The following BCL2L13 variants were observed in gnomAD, a reference collection of about 807,000 sequenced individuals.
BCL2L13 encodes the protein bcl-2-like protein 13.
A neutral mutation model predicts 25.8 loss-of-function variants in BCL2L13; 13 were observed. The ratio of observed to expected loss-of-function variants is 0.50; its 90% CI spans 0.33 to 0.80. The LOEUF is 0.80. BCL2L13 is among the 30% of genes least tolerant of loss of function. BCL2L13 has a pLI of 0.02. For missense variants in BCL2L13, 504 were observed against 574.9 expected, an observed-to-expected ratio of 0.88 and a Z score of 1.26; for synonymous variants, 244 against 230.3, an observed-to-expected ratio of 1.06 and a Z score of -0.54.
chr22:17,663,078 C>T (rs1451435073), intron 2 of BCL2L13, among the ~76,000 whole-genome samples: 1 of 152,122 alleles, frequency 6.6e-6, no homozygotes, highest in Non-Finnish European at 1.5e-5. Flanking sequence ...GCAGTGTTGC[C>T]CAGGCTGGTC....
At chr22:17,681,430 C>T (rs905731115) in intron 2 of BCL2L13, among the ~76,000 whole-genome samples, 1 of 150,336 alleles carries the variant, frequency 6.7e-6, no homozygotes, top group Admixed American at 6.7e-5. Flanking sequence ...ACCTGGGAGG[C>T]GGAGCTTACA....
intron 5 of BCL2L13, among the ~76,000 whole-genome samples, chr22:17,698,199 T>G (rs1258007744): frequency 6.6e-6 from 1 of 151,822 alleles, no homozygotes; most frequent in Non-Finnish European, 1.5e-5. Context: ...ACTGCAGCCT[T>G]TCCCTTCCGG....
At chr22:17,684,633 G>A (rs919405378) in intron 3 of BCL2L13, 8 of 453,264 alleles carry the variant, frequency 1.8e-5, no homozygotes, top group East Asian at 7.0e-5. Flanking sequence ...GCACCATCTC[G>A]GCCCACCACA....
At chr22:17,681,394 T>C (rs1286587803) in intron 2 of BCL2L13, among the ~76,000 whole-genome samples, 1 of 151,358 alleles carries the variant, frequency 6.6e-6, no homozygotes, top group Non-Finnish European at 1.5e-5. Context: ...TAGTCCCAGC[T>C]ACTTGGGAGC....
intron 2 of BCL2L13, among the ~76,000 whole-genome samples, chr22:17,669,990 T>G (rs1480361469): frequency 1.3e-5 from 2 of 152,148 alleles, no homozygotes; most frequent in African/African-American, 2.4e-5. Context: ...GGGGATCTCT[T>G]GTTGTTGTCT....
chr22:17,638,507 CA>C (rs2058151033), upstream of BCL2L13: 1 of 429,436 alleles, frequency 2.3e-6, no homozygotes, highest in South Asian at 1.3e-4. Context: ...GCCCTTCCTC[CA>C]ACACAGCGAC....
At chr22:17,650,111 C>T (rs951089017) in intron 1 of BCL2L13, among the ~76,000 whole-genome samples, 1 of 150,266 alleles carries the variant, frequency 6.7e-6, no homozygotes, top group Admixed American at 6.6e-5. Context: ...CTCAGGTGAT[C>T]TGCCCGTCTC....
chr22:17,690,839 G>A (rs1452983395), intron 4 of BCL2L13, among the ~76,000 whole-genome samples: 1 of 152,054 alleles, frequency 6.6e-6, no homozygotes, highest in East Asian at 1.9e-4. Flanking sequence ...ATATAAATAT[G>A]GAGAGAAGTA....
intron 1 of BCL2L13, among the ~76,000 whole-genome samples, chr22:17,630,225 CAAAA>C (rs79307050): frequency 2.4e-5 from 2 of 81,882 alleles, no homozygotes; most frequent in Middle Eastern, 6.7e-3. Context: ...CTCAAAAAAA[CAAAA>C]AAAAAAAAAA....
At chr22:17,723,144 C>T (rs1033482986) in intron 6 of BCL2L13, among the ~76,000 whole-genome samples, 8 of 152,154 alleles carry the variant, frequency 5.3e-5, no homozygotes, top group Admixed American at 3.9e-4. Context: ...ACCAAACCCT[C>T]CCTGTGTCTC....
intron 4 of BCL2L13, chr22:17,692,308 G>A (rs1035677900): frequency 7.2e-5 from 11 of 152,060 alleles, no homozygotes; most frequent in African/African-American, 2.7e-4. Context: ...TGCATTTTTT[G>A]TGCATGTATG....
At chr22:17,713,033 C>T (rs1205245759) in intron 6 of BCL2L13, among the ~76,000 whole-genome samples, 2 of 152,114 alleles carry the variant, frequency 1.3e-5, no homozygotes, top group South Asian at 2.1e-4. Context: ...AAGGTTAAAT[C>T]GATTACAGCA....
rs553524212 is a variant in BCL2L13, at chr22:17,655,971, G to A, written c.121+139G>A. The A allele has an allele frequency of 1.8e-5, 15 of 836,700 alleles. No individual in the cohort carries two copies. The South Asian group carries it at 1.8e-4, about 10-fold the overall frequency. 51.8% of individuals were successfully genotyped at this position (836,700 alleles called of 1,614,324 possible). Reference sequence around the variant, plus strand: ...AGAATAACCTGTTAGGGCTGGGCGCGGTGGCTCACACCTGTTATGCCAGCA... The same window carrying A: ...AGAATAACCTGTTAGGGCTGGGCGCAGTGGCTCACACCTGTTATGCCAGCA... On this transcript the variant is annotated intron_variant, in intron 2 of 6. Coordinates refer to ENST00000317582, the MANE Select transcript of BCL2L13 (RefSeq NM_015367.4).
At chr22:17,630,591 CTTTTT>C (rs568905142) in intron 1 of BCL2L13, among the ~76,000 whole-genome samples, 5 of 120,572 alleles carry the variant, frequency 4.1e-5, no homozygotes, top group Non-Finnish European at 8.7e-5. Flanking sequence ...TTTTTCTTTT[CTTTTT>C]TTTTTTTTTT....
Position 17,664,645 on chromosome 22 carries a change from G to A in BCL2L13, c.121+8813G>A, listed in dbSNP as rs2059180002. On this transcript the variant is annotated intron_variant, in intron 2 of 6. Coordinates refer to ENST00000317582, the MANE Select transcript of BCL2L13 (RefSeq NM_015367.4). ...TTTCCATGAGGGCTCCACCCCTATA[G>A]CACACCTCTGCCTGGACATCCAGGC... Among the ~76,000 whole-genome samples, 3 of 152,222 alleles carry A rather than the reference G, an allele frequency of 2.0e-5. No homozygotes were observed. In the South Asian group the frequency reaches 6.2e-4, roughly 31 times the overall value.
chr22:17,665,950 G>GT lies in BCL2L13; in HGVS notation c.121+10119dup, dbSNP rs747195557. Among the ~76,000 whole-genome samples, 5 of 152,122 alleles carry GT rather than the reference G, an allele frequency of 3.3e-5. No homozygotes were observed. In the East Asian group the frequency reaches 7.7e-4, roughly 23 times the overall value. On this transcript the variant is annotated intron_variant, in intron 2 of 6. Coordinates refer to ENST00000317582, the MANE Select transcript of BCL2L13 (RefSeq NM_015367.4). The stretch of plus-strand genomic sequence containing the variant: ...TTTGTGTGTAGGTTTTTGTGTGTAT[G>GT]TAAGTTTTTAACTCATTTGGGTTAA...
intron 2 of BCL2L13, 101 bp downstream of exon 2, chr22:17,655,933 T>G (rs1294899716): frequency 8.3e-7 from 1 of 1,209,894 alleles, no homozygotes; most frequent in Non-Finnish European, 1.1e-6. Flanking sequence ...CAAATAGTAC[T>G]AATAAGCCTG....
intron 1 of BCL2L13, among the ~76,000 whole-genome samples, chr22:17,650,732 G>A (rs1488757576): frequency 6.6e-6 from 1 of 151,898 alleles, no homozygotes; most frequent in Non-Finnish European, 1.5e-5. Context: ...TTAAAAGATA[G>A]GATCTTGCTC....
intron 1 of BCL2L13, among the ~76,000 whole-genome samples, chr22:17,648,141 A>G (rs2058559288): frequency 6.6e-6 from 1 of 151,966 alleles, no homozygotes; most frequent in Non-Finnish European, 1.5e-5. Context: ...AAAGAAATGC[A>G]AAAGTTCATT....
Sources: gnomAD v4.1 joint callset for allele counts (sites outside exome capture counted in the v4.1 genomes callset) on GRCh38, gnomAD v4.1.1 for gene constraint, MANE v1.5 for transcripts, NCBI Gene and HGNC (gene_info 2026-07-23, HGNC 2026-07-21) for gene names.